Variants in SAMHD1 observed in about 807,000 individuals in gnomAD.
SAMHD1 encodes the protein deoxynucleoside triphosphate triphosphohydrolase SAMHD1.
In SAMHD1, 54 loss-of-function variants were observed where a neutral mutation model predicts 79.6. The ratio of observed to expected loss-of-function variants is 0.68; its 90% confidence interval spans 0.55 to 0.85. The LOEUF is 0.85. Among genes scored for constraint, SAMHD1 ranks in the 40% least tolerant of loss-of-function variants. SAMHD1 has a pLI of 0.00. For missense variants in SAMHD1, 663 were observed against 782.7 expected, an observed-to-expected ratio of 0.85 and a Z score of 1.82; for synonymous variants, 260 against 264.1, an observed-to-expected ratio of 0.98 and a Z score of 0.15.
At chr20:36,934,869 G>C (rs932137950) in intron 4 of SAMHD1, 160 bp downstream of exon 4, 2 of 663,412 alleles carry the variant, frequency 3.0e-6, no homozygotes, top group South Asian at 3.2e-5. Context: ...TGTTGGCCAG[G>C]CTGGTCTTGA....
chr20:36,945,468 AT>A (rs2063679384), intron 2 of SAMHD1, among the ~76,000 whole-genome samples: 1 of 152,110 alleles, frequency 6.6e-6, no homozygotes, highest in African/African-American at 2.4e-5. Flanking sequence ...TCTTACTAAC[AT>A]TTTTTTCCCT....
At chr20:36,913,579 G>A (rs2063458098) in intron 9 of SAMHD1, among the ~76,000 whole-genome samples, 1 of 150,296 alleles carries the variant, frequency 6.7e-6, no homozygotes, top group South Asian at 2.1e-4. Flanking sequence ...CTCCAGTCTG[G>A]GTGACAGAGC....
In SAMHD1 at chr20:36,951,581, G is replaced by T; in HGVS notation, c.63C>A (p.Thr21=). The T allele has an allele frequency of 6.2e-7, 1 of 1,614,174 alleles. No homozygotes were observed. The highest frequency in any genetic ancestry group is 8.5e-7 in the Non-Finnish European group (1 of 1,180,004). Residue 21 remains threonine (T), a synonymous_variant, in exon 1 of 16, where the codon ACC becomes ACA. Coordinates refer to ENST00000646673, the MANE Select transcript of SAMHD1 (RefSeq NM_015474.4). ...KRPRCDDSPR[T]PSNTPSAEAD... The stretch of plus-strand genomic sequence containing the variant: ...CCTCTGCGGAAGGGGTGTTTGAGGG[G>T]GTTCTCGGGCTGTCATCGCAACGGG...
intron 2 of SAMHD1, 77 bp downstream of exon 2, chr20:36,946,661 A>G: frequency 9.4e-7 from 1 of 1,064,350 alleles, no homozygotes; most frequent in Non-Finnish European, 1.4e-6. Flanking sequence ...AGTTTATATC[A>G]GAGATTTTGG....
chr20:36,918,431 C>T (rs1378355518), intron 7 of SAMHD1, among the ~76,000 whole-genome samples: 1 of 150,610 alleles, frequency 6.6e-6, no homozygotes, highest in East Asian at 2.0e-4. Context: ...CCAGCTTAGG[C>T]AACATAGTGA....
intron 13 of SAMHD1, among the ~76,000 whole-genome samples, chr20:36,900,773 C>A (rs899084728): frequency 6.7e-6 from 1 of 149,912 alleles, no homozygotes; most frequent in Admixed American, 6.7e-5. Context: ...AGGGTTTCAC[C>A]ATGTTGGCCA....
intron 6 of SAMHD1, among the ~76,000 whole-genome samples, chr20:36,920,088 A>G (rs1451402766): frequency 6.6e-6 from 1 of 152,154 alleles, no homozygotes; most frequent in African/African-American, 2.4e-5. Context: ...TCAAGATGAA[A>G]AACAAAACCT....
intron 1 of SAMHD1, 24 bp downstream of exon 1, chr20:36,951,412 C>A (rs1249849243): frequency 1.2e-6 from 2 of 1,612,412 alleles, no homozygotes; most frequent in African/African-American, 2.7e-5. Context: ...GCCCTTCGCC[C>A]CTCAGCCCCT....
chr20:36,936,208 T>C (rs1330070624), intron 3 of SAMHD1, among the ~76,000 whole-genome samples: 1 of 151,704 alleles, frequency 6.6e-6, no homozygotes, highest in Non-Finnish European at 1.5e-5. Context: ...CCACAACACT[T>C]CAGCCTGGGC....
At position 36,911,242 on chromosome 20, in the gene SAMHD1, T is replaced by C. The variant is rs772221625; in HGVS notation, c.1246A>G (p.Met416Val). The change falls in exon 11 of 16, where the codon ATG becomes GTG. Residue 416 changes from methionine to valine, a missense_variant. Physicochemically the swap from Met to Val is conservative, Grantham distance 21 (BLOSUM62 1). Transcript: ENST00000646673. ...KYRISTAIDD[M>V]EAYTKLTDNI... Reference sequence around the variant, plus strand: ...CCTGTCAGCTTAGTATAGGCTTCCATGTCGTCAATTGCTGTAGAAATGCGA... The same window carrying C: ...CCTGTCAGCTTAGTATAGGCTTCCACGTCGTCAATTGCTGTAGAAATGCGA... The C allele has an allele frequency of 3.1e-6, 5 of 1,612,850 alleles. No homozygotes were observed. In the South Asian group the frequency reaches 3.3e-5, roughly 11 times the overall value.
intron 1 of SAMHD1, among the ~76,000 whole-genome samples, chr20:36,947,719 G>A (rs914462407): frequency 6.6e-6 from 1 of 152,024 alleles, no homozygotes; most frequent in Non-Finnish European, 1.5e-5. Flanking sequence ...CCAGGTTGGA[G>A]TGCAGTGGTG....
At chr20:36,936,410 T>G (rs8115243) in intron 3 of SAMHD1, among the ~76,000 whole-genome samples, 30,503 of 151,930 alleles carry the variant, frequency 0.2, 3,620 homozygotes, top group African/African-American at 0.32. Context: ...AGCCTCAAAC[T>G]CCTAGGCTCC....
rs200856791 is a variant in SAMHD1, at chr20:36,897,876, G to A, written c.1692C>T (p.Ala564=). 461 of 1,614,124 alleles carry A rather than the reference G, an allele frequency of 2.9e-4. No homozygotes were observed. In the Admixed American group the frequency reaches 7.1e-3, roughly 25 times the overall value. ...ACCACTGAACAAAATATTGTCTTGCGGCATACAAACTCTTTCTGTCCACCT... is the reference window on the plus strand; with the variant it reads ...ACCACTGAACAAAATATTGTCTTGCAGCATACAAACTCTTTCTGTCCACCT... ...CKKVDRKSLY[A]ARQYFVQWCA... Residue 564 remains alanine, a synonymous_variant, in exon 15 of 16, where the codon GCC becomes GCT. Coordinates refer to ENST00000646673, the MANE Select transcript of SAMHD1 (RefSeq NM_015474.4).
intron 6 of SAMHD1, among the ~76,000 whole-genome samples, chr20:36,923,281 G>A (rs1342007859): frequency 6.6e-6 from 1 of 151,946 alleles, no homozygotes; most frequent in Non-Finnish European, 1.5e-5. Flanking sequence ...TTACAGGCGC[G>A]AGCCACCACG....
chr20:36,915,570 C>T (rs2063469452), intron 9 of SAMHD1, among the ~76,000 whole-genome samples: 1 of 151,682 alleles, frequency 6.6e-6, no homozygotes, highest in South Asian at 2.1e-4. Flanking sequence ...AACCCTGTTT[C>T]CACTAAAAAG....
At chr20:36,926,143 C>T (rs1236040256) in intron 6 of SAMHD1, among the ~76,000 whole-genome samples, 1 of 151,900 alleles carries the variant, frequency 6.6e-6, no homozygotes, top group Non-Finnish European at 1.5e-5. Context: ...TGCACGACAA[C>T]CTTATTTATA....
intron 10 of SAMHD1, 75 bp from the exon 11 acceptor site, chr20:36,911,408 CTTTCTACT>C: frequency 1.1e-6 from 1 of 907,064 alleles, no homozygotes; most frequent in South Asian, 1.3e-5. Flanking sequence ...TTAAGGAAAT[CTTTCTACT>C]TTAGGGAAAC....
In SAMHD1 at chr20:36,917,744, A is replaced by T. The variant is rs928306168; in HGVS notation, c.853-695T>A. The stretch of plus-strand genomic sequence containing the variant: ...CAGTACTATCTTTCAAAGTAGCTAC[A>T]TACCTAGTCTAAATAATATGCATTG... On this transcript the variant is annotated intron_variant, in intron 7 of 15. Transcript: ENST00000646673. Among the ~76,000 whole-genome samples, 9 of 152,334 alleles carry T rather than the reference A, an allele frequency of 5.9e-5. No homozygotes were observed. In the East Asian group the frequency reaches 1.7e-3, roughly 29 times the overall value.
intron 9 of SAMHD1, among the ~76,000 whole-genome samples, chr20:36,915,599 T>G (rs181124754): frequency 6.6e-6 from 1 of 151,542 alleles, no homozygotes; most frequent in Non-Finnish European, 1.5e-5. Flanking sequence ...TAGCTGGGCG[T>G]GGTAGCATGC....
Sources: gnomAD v4.1 joint callset for allele counts (sites outside exome capture counted in the v4.1 genomes callset) on GRCh38, gnomAD v4.1.1 for gene constraint, MANE v1.5 for transcripts, NCBI Gene and HGNC (gene_info 2026-07-23, HGNC 2026-07-21) for gene names.